Variants in KLHL8 observed in about 807,000 individuals in gnomAD.
The protein encoded by KLHL8 is kelch like family member 8.
Under a neutral mutation model 63.5 loss-of-function variants are expected in KLHL8, and 38 were observed. The ratio of observed to expected loss-of-function variants is 0.60; its 90% CI spans 0.46 to 0.78. The LOEUF (loss-of-function observed/expected upper bound fraction) is 0.78. Among genes scored for constraint, KLHL8 ranks in the 30% least tolerant of loss-of-function variants. The probability of loss-of-function intolerance (pLI) is 0.00; values close to 1 mark genes in which losing one functional copy is unlikely to be tolerated. For synonymous variants in KLHL8, 224 were observed against 254.3 expected, an observed-to-expected ratio of 0.88 and a Z score of 1.13; for missense variants, 566 against 752.4, an observed-to-expected ratio of 0.75 and a Z score of 2.90.
chr4:87,173,044 C>A (rs1485350595), intron 6 of KLHL8, among the ~76,000 whole-genome samples: 1 of 152,238 alleles, frequency 6.6e-6, no homozygotes, highest in Non-Finnish European at 1.5e-5. Flanking sequence ...TCTAGACACT[C>A]TTCCCCTTAA....
chr4:87,164,105 A>G, intron 8 of KLHL8, 26 bp from the exon 9 acceptor site: 3 of 1,557,750 alleles, frequency 1.9e-6, no homozygotes, highest in Non-Finnish European at 2.7e-6. Context: ...TTTTAAAAAC[A>G]GCATTACATT....
chr4:87,213,351 T>G (rs1732479121), intron 1 of KLHL8, among the ~76,000 whole-genome samples: 1 of 152,214 alleles, frequency 6.6e-6, no homozygotes, highest in Non-Finnish European at 1.5e-5. Flanking sequence ...ACTAAAAAAT[T>G]AATTTATCAA....
At chr4:87,192,258 C>T (rs535044125) in intron 2 of KLHL8, among the ~76,000 whole-genome samples, 3 of 152,334 alleles carry the variant, frequency 2.0e-5, no homozygotes, top group East Asian at 3.9e-4. Flanking sequence ...CTTCTCTCCA[C>T]AGCCTTGCCA....
intron 2 of KLHL8, among the ~76,000 whole-genome samples, chr4:87,194,199 G>A (rs1041479742): frequency 2.0e-5 from 3 of 152,182 alleles, no homozygotes; most frequent in Non-Finnish European, 4.4e-5. Context: ...AGAGAGGACT[G>A]GAGGGAACTA....
intron 1 of KLHL8, among the ~76,000 whole-genome samples, chr4:87,227,713 G>A (rs1733060101): frequency 6.6e-6 from 1 of 152,180 alleles, no homozygotes; most frequent in African/African-American, 2.4e-5. Flanking sequence ...AATGACAGAA[G>A]GAGCCTGAGT....
At position 87,196,097 on chromosome 4, in the gene KLHL8, GAAC is replaced by G. The variant is rs547594343; in HGVS notation, c.-151-410_-151-408del. ...CTCAAAGTGCTGGGATTACATGCTTGAACCATCATACGTGGCCATGAACTAAAA... is the reference window on the plus strand; with the variant it reads ...CTCAAAGTGCTGGGATTACATGCTTGCATCATACGTGGCCATGAACTAAAA... On this transcript the variant is annotated intron_variant, in intron 1 of 9. Transcript: ENST00000273963. Among the ~76,000 whole-genome samples the G allele has an allele frequency of 5.9e-5, 9 of 151,330 alleles. No homozygotes were observed. In the South Asian group the frequency reaches 1.3e-3, roughly 21 times the overall value.
rs144702252 is a variant in KLHL8, at chr4:87,230,484, A to G, written n.58-9094T>C. Among the ~76,000 whole-genome samples the G allele has an allele frequency of 3.3e-3, 496 of 152,302 alleles. 4 individuals are homozygous for G. The highest frequency in any genetic ancestry group is 0.012 in the African/African-American group (478 of 41,562). ...TGTTCAGGCTGGGATTATCACCTAGATCACCTCATTCCAACTGTCATGTAA... is the reference window on the plus strand; with the variant it reads ...TGTTCAGGCTGGGATTATCACCTAGGTCACCTCATTCCAACTGTCATGTAA... On this transcript the variant is annotated intron_variant and non_coding_transcript_variant, in intron 1 of 1. Transcript: ENST00000506274.
upstream of KLHL8, among the ~76,000 whole-genome samples, chr4:87,224,909 T>C (rs1341406162): frequency 6.6e-6 from 1 of 152,200 alleles, no homozygotes; most frequent in East Asian, 1.9e-4. Flanking sequence ...GTTTTGTTTT[T>C]GTTTTTATTT....
At chr4:87,233,631 T>C (rs1733174348) in intron 1 of KLHL8, among the ~76,000 whole-genome samples, 1 of 152,114 alleles carries the variant, frequency 6.6e-6, no homozygotes, top group Non-Finnish European at 1.5e-5. Flanking sequence ...ACCTAGTGGG[T>C]TGAGTTTCTT....
intron 2 of KLHL8, among the ~76,000 whole-genome samples, chr4:87,186,100 G>A (rs988252302): frequency 5.3e-5 from 8 of 151,806 alleles, no homozygotes; most frequent in Non-Finnish European, 1.2e-4. Context: ...GAGCAGCGGC[G>A]CAATCTCAGC....
At position 87,238,789 on chromosome 4, in the gene KLHL8, G is replaced by T. The variant is rs758836513; in HGVS notation, n.57+1469C>A. Reference sequence around the variant, plus strand: ...GATCTGGAAATACATATGATAGAAGGAATCATGACTTTTCAGTGCTCAAGC... The same window carrying T: ...GATCTGGAAATACATATGATAGAAGTAATCATGACTTTTCAGTGCTCAAGC... On this transcript the variant is annotated intron_variant and non_coding_transcript_variant, in intron 1 of 1. Transcript: ENST00000506274. Among the ~76,000 whole-genome samples the T allele has an allele frequency of 1.2e-4, 18 of 152,194 alleles. 1 individual carries two copies. The highest frequency in any genetic ancestry group is 4.3e-4 in the African/African-American group (18 of 41,530).
At chr4:87,233,052 T>G (rs1733163617) in intron 1 of KLHL8, among the ~76,000 whole-genome samples, 1 of 152,118 alleles carries the variant, frequency 6.6e-6, no homozygotes, top group Non-Finnish European at 1.5e-5. Context: ...TTTATTTTTC[T>G]TTTTTGAGAT....
intron 1 of KLHL8, among the ~76,000 whole-genome samples, chr4:87,230,964 G>A (rs1733126073): frequency 1.3e-5 from 2 of 152,206 alleles, no homozygotes; most frequent in African/African-American, 4.8e-5. Flanking sequence ...GCATACAAGT[G>A]GAATGTGGAC....
chr4:87,208,605 G>A (rs1285601109), intron 1 of KLHL8, among the ~76,000 whole-genome samples: 1 of 151,980 alleles, frequency 6.6e-6, no homozygotes, highest in Non-Finnish European at 1.5e-5. Flanking sequence ...CCCAAAATGC[G>A]GGGACTACAG....
upstream of KLHL8, among the ~76,000 whole-genome samples, chr4:87,221,771 A>AT (rs1418171003): frequency 2.0e-5 from 3 of 152,262 alleles, no homozygotes; most frequent in Admixed American, 6.5e-5. Context: ...AAAAAATCAC[A>AT]TTTTTTACAT....
At chr4:87,185,909 T>C (rs760169385) in intron 2 of KLHL8, 110 bp from the exon 3 acceptor site, 20 of 886,226 alleles carry the variant, frequency 2.3e-5, no homozygotes, top group Non-Finnish European at 3.2e-5. Flanking sequence ...ATTTAGAGTA[T>C]CTTTTTATAA....
In KLHL8 at chr4:87,185,777, C is replaced by T; in HGVS notation, c.239G>A (p.Cys80Tyr). The T allele has an allele frequency of 6.2e-7, 1 of 1,609,402 alleles. No homozygotes were observed. The highest frequency in any genetic ancestry group is 2.2e-5 in the East Asian group (1 of 44,794). Residue 80 changes from cysteine to tyrosine, a missense_variant, in exon 3 of 10, where the codon TGT becomes TAT. Transcript: ENST00000273963. ...TLKVGSKLIS[C>Y]HKLVLACVIP... is the part of the protein sequence containing the mutation. ...AACACAAGCCAATACCAGCTTGTGA[C>T]AAGAGATTAGCTTTGAGCCAACCTG...
At chr4:87,181,640 C>T (rs559884867) in intron 4 of KLHL8, among the ~76,000 whole-genome samples, 1 of 151,972 alleles carries the variant, frequency 6.6e-6, no homozygotes, top group Admixed American at 6.6e-5. Flanking sequence ...GATGCATACC[C>T]TTTCTCTACT....
chr4:87,174,358 A>AT (rs1257035083), intron 6 of KLHL8, among the ~76,000 whole-genome samples: 11 of 151,502 alleles, frequency 7.3e-5, no homozygotes, highest in Admixed American at 3.3e-4. Flanking sequence ...GGCTCACTGC[A>AT]ACCTCCACTT....
Sources: gnomAD v4.1 joint callset for allele counts (sites outside exome capture counted in the v4.1 genomes callset) on GRCh38, gnomAD v4.1.1 for gene constraint, MANE v1.5 for transcripts, NCBI Gene and HGNC (gene_info 2026-07-23, HGNC 2026-07-21) for gene names.